SMAD3: variants seen among roughly 807,000 people sequenced by gnomAD.
SMAD3 encodes the protein SMAD family member 3, also known as MAD homolog 3.
A neutral mutation model predicts 51.8 loss-of-function variants in SMAD3; 12 were observed. The observed-to-expected ratio is 0.23, with a 90% CI of 0.15 to 0.38. SMAD3 has a LOEUF of 0.38. Among genes scored for constraint, SMAD3 ranks in the 10% least tolerant of loss-of-function variants. The pLI, the probability that SMAD3 is intolerant of heterozygous loss-of-function variation, is 1.00. For synonymous variants in SMAD3, 238 were observed against 227.7 expected (o/e 1.05, Z -0.41); for missense variants, 294 against 565.6 (o/e 0.52, Z 4.87).
At chr15:67,087,475 G>T (rs1023996930) in intron 1 of SMAD3, among the ~76,000 whole-genome samples, 1 of 152,270 alleles carries the variant, frequency 6.6e-6, no homozygotes, top group Non-Finnish European at 1.5e-5. Flanking sequence ...CTTGGTTTCA[G>T]TAGGCACCTG....
rs181701634 is a variant in SMAD3 at position 67,161,978 on chromosome 15, G to C, written c.207-2917G>C. Among the ~76,000 whole-genome samples, 285 of 152,180 alleles carry C rather than the reference G, an allele frequency of 1.9e-3. 1 individual carries two copies. The highest frequency in any genetic ancestry group is 6.6e-3 in the African/African-American group (273 of 41,516). ...CCAGGCTGTCTTCTCGATCTGCCTG[G>C]TAATTACTGTTTTTCAGCTGTAGGG... On this transcript the variant is annotated intron_variant, in intron 1 of 8. Coordinates refer to ENST00000327367, the MANE Select transcript of SMAD3 (RefSeq NM_005902.4).
intron 1 of SMAD3, chr15:67,098,805 C>T (rs1960679490): frequency 1.5e-6 from 1 of 689,082 alleles, no homozygotes; most frequent in Non-Finnish European, 2.6e-6. Context: ...CTACGCATCC[C>T]CAGCGGGGGT....
At chr15:67,141,138 C>T (rs960063525) in intron 1 of SMAD3, among the ~76,000 whole-genome samples, 3 of 152,136 alleles carry the variant, frequency 2.0e-5, no homozygotes, top group Admixed American at 6.5e-5. Context: ...ATTCCGGCAA[C>T]GGGAAGTTTC....
rs534813658 is a variant in SMAD3 at position 67,065,746 on chromosome 15, G to A, written c.-409G>A. ...GAGGCGGAGGGATCTGCGCATCAAA[G>A]CTAGCGAGGCGAGCGAAGTTTGGCC... On this transcript the variant is annotated 5_prime_UTR_variant, in exon 1 of 9. Coordinates refer to ENST00000327367, the MANE Select transcript of SMAD3 (RefSeq NM_005902.4). 2.0e-5 allele frequency: 4 copies of A among 198,752 alleles called. No individual in the cohort carries two copies. The highest frequency in any genetic ancestry group is 9.2e-5 in the African/African-American group (4 of 43,428). The allele number at this position is 198,752 out of a possible 1,614,324, so 12.3% of individuals were successfully genotyped here. A position where few individuals can be genotyped will look rare whatever the true frequency, so the allele number is the denominator to read the frequency against.
intron 1 of SMAD3, among the ~76,000 whole-genome samples, chr15:67,105,353 TG>T (rs1960853081): frequency 6.6e-6 from 1 of 152,132 alleles, no homozygotes; most frequent in South Asian, 2.1e-4. Flanking sequence ...AACAAGATCA[TG>T]GCGCACCTCC....
chr15:67,076,905 G>A (rs1400780215), intron 1 of SMAD3, among the ~76,000 whole-genome samples: 1 of 152,192 alleles, frequency 6.6e-6, no homozygotes, highest in African/African-American at 2.4e-5. Context: ...GGGTGCAGGG[G>A]CATGAAGGAA....
Position 67,194,096 on chromosome 15 carries a change from C to T in SMAD3, c.*3560C>T, listed in dbSNP as rs1236898093. On this transcript the variant is annotated 3_prime_UTR_variant, in exon 9 of 9. Coordinates refer to ENST00000327367, the MANE Select transcript of SMAD3 (RefSeq NM_005902.4). ...GCAGCAAGAGAGTGCACCCGTTTAG[C>T]CCTGGACCCTGTTTCTTACTGTGTG... The T allele has an allele frequency of 8.6e-6, 2 of 233,266 alleles. No homozygotes were observed. The highest frequency in any genetic ancestry group is 4.4e-5 in the African/African-American group (2 of 45,350). 14.4% of individuals were successfully genotyped at this position (233,266 alleles called of 1,614,324 possible). A position where few individuals can be genotyped will look rare whatever the true frequency, so the allele number is the denominator to read the frequency against.
intron 6 of SMAD3, 130 bp from the exon 7 acceptor site, chr15:67,184,597 T>C: frequency 8.6e-7 from 1 of 1,166,238 alleles, no homozygotes; most frequent in Non-Finnish European, 1.3e-6. Flanking sequence ...TTGGGGCCCG[T>C]TTGCCTGGGG....
intron 4 of SMAD3, among the ~76,000 whole-genome samples, chr15:67,169,927 G>C (rs1595946422): frequency 6.6e-6 from 1 of 152,200 alleles, no homozygotes; most frequent in South Asian, 2.1e-4. Context: ...GGTAGATTGA[G>C]ACTTTTTCCC....
At chr15:67,143,589 T>C (rs1016831310) in intron 1 of SMAD3, among the ~76,000 whole-genome samples, 1 of 151,994 alleles carries the variant, frequency 6.6e-6, no homozygotes, top group African/African-American at 2.4e-5. Flanking sequence ...CATACACCAC[T>C]ACGCCTGGCT....
chr15:67,077,782 C>T (rs1003927300), intron 1 of SMAD3, among the ~76,000 whole-genome samples: 47 of 152,110 alleles, frequency 3.1e-4, no homozygotes, highest in African/African-American at 1.1e-3. Context: ...AAGGGCCTGA[C>T]ATCTAGGGAA....
At chr15:67,073,011 C>T (rs915441636) in intron 1 of SMAD3, among the ~76,000 whole-genome samples, 2 of 152,174 alleles carry the variant, frequency 1.3e-5, no homozygotes, top group African/African-American at 4.8e-5. Flanking sequence ...CAGATACTGT[C>T]CCTGGTGCCT....
At chr15:67,155,560 C>A (rs1417565520) in intron 1 of SMAD3, among the ~76,000 whole-genome samples, 1 of 152,200 alleles carries the variant, frequency 6.6e-6, no homozygotes, top group Non-Finnish European at 1.5e-5. Flanking sequence ...AAGCCACAAG[C>A]AGAATTTTTT....
chr15:67,107,380 A>G (rs955741403), intron 1 of SMAD3, among the ~76,000 whole-genome samples: 4 of 152,006 alleles, frequency 2.6e-5, no homozygotes, highest in South Asian at 2.1e-4. Flanking sequence ...CCCACCACAT[A>G]AGCACCCCAC....
rs191410394 is a variant in SMAD3 at position 67,193,262 on chromosome 15, C to T, written c.*2726C>T. 1.1e-3 allele frequency: 247 copies of T among 233,406 alleles called. No homozygotes were observed. Among genetic ancestry groups the T allele is most frequent in the Admixed American group, 1.7e-3 (31 of 17,804 alleles). The allele number at this position is 233,406 out of a possible 1,614,324, so 14.5% of individuals were successfully genotyped here. ...GTGACTGGATAGCAGTTTTAAGTGG[C>T]GTTCACCTAGTCAACACGACCGCGT... On this transcript the variant is annotated 3_prime_UTR_variant, in exon 9 of 9. Coordinates refer to ENST00000327367, the MANE Select transcript of SMAD3 (RefSeq NM_005902.4).
At chr15:67,140,660 C>T (rs1204528030) in intron 1 of SMAD3, among the ~76,000 whole-genome samples, 2 of 152,302 alleles carry the variant, frequency 1.3e-5, no homozygotes, top group Non-Finnish European at 2.9e-5. Context: ...TCAACACATG[C>T]GAACCCAACT....
At chr15:67,072,770 A>G (rs1329713978) in intron 1 of SMAD3, among the ~76,000 whole-genome samples, 3 of 152,212 alleles carry the variant, frequency 2.0e-5, no homozygotes, top group Admixed American at 6.5e-5. Context: ...TCCCTGAGCC[A>G]TGGAGCCTTC....
intron 1 of SMAD3, chr15:67,146,044 T>C (rs1181578794): frequency 6.6e-6 from 1 of 152,102 alleles, no homozygotes; most frequent in Non-Finnish European, 1.5e-5. Context: ...AAATATAGAG[T>C]GCTTACCATA....
chr15:67,077,492 A>G (rs770235155), intron 1 of SMAD3, among the ~76,000 whole-genome samples: 7 of 152,158 alleles, frequency 4.6e-5, no homozygotes, highest in Non-Finnish European at 1.0e-4. Context: ...GTTTGCTGGA[A>G]ATCTTTATTA....
Sources: allele counts gnomAD v4.1 joint callset (sites outside exome capture counted in the v4.1 genomes callset), GRCh38; gene constraint gnomAD v4.1.1; transcripts MANE v1.5; gene names NCBI Gene and HGNC (gene_info 2026-07-23, HGNC 2026-07-21).